Variants in TLN2 observed in about 807,000 individuals in gnomAD.
The protein encoded by TLN2 is talin-2.
TLN2 carries 118 observed loss-of-function variants against 294.7 expected under a neutral mutation model. The ratio of observed to expected loss-of-function variants is 0.40; its 90% CI spans 0.34 to 0.47. The LOEUF (loss-of-function observed/expected upper bound fraction) is 0.47, where lower values mean the gene tolerates loss of function less well. TLN2 is among the 20% of genes least tolerant of loss of function. The pLI, the probability that TLN2 is intolerant of heterozygous loss-of-function variation, is 0.84. For missense variants in TLN2, 3,083 were observed against 3,282.2 expected (o/e 0.94, Z 1.48); for synonymous variants, 1,431 against 1,304.5 (o/e 1.10, Z -2.09).
At chr15:62,466,580 T>C (rs2037149005) in intron 1 of TLN2, among the ~76,000 whole-genome samples, 1 of 152,246 alleles carries the variant, frequency 6.6e-6, no homozygotes, top group African/African-American at 2.4e-5. Context: ...GGACTTATGA[T>C]GCCCCTGGGA....
intron 3 of TLN2, among the ~76,000 whole-genome samples, chr15:62,643,320 G>A (rs545026548): frequency 1.3e-5 from 2 of 151,236 alleles, no homozygotes; most frequent in African/African-American, 4.9e-5. Flanking sequence ...AAAATGGGGA[G>A]CCAGAAGTGA....
intron 2 of TLN2, among the ~76,000 whole-genome samples, chr15:62,597,270 A>T (rs377377837): frequency 2.0e-5 from 3 of 152,186 alleles, no homozygotes; most frequent in African/African-American, 7.2e-5. Flanking sequence ...AAAGGCTTCC[A>T]TGATTTTATC....
chr15:62,574,993 G>C (rs2140660279), intron 1 of TLN2, among the ~76,000 whole-genome samples: 1 of 152,250 alleles, frequency 6.6e-6, no homozygotes, highest in East Asian at 1.9e-4. Context: ...TTAGATGAGT[G>C]CTTCTGAAAT....
chr15:62,753,694 T>A, intron 35 of TLN2, 79 bp from the exon 36 acceptor site: 1 of 1,497,526 alleles, frequency 6.7e-7, no homozygotes, highest in South Asian at 1.4e-5. Context: ...CAGCTGCATG[T>A]GTAGTGCGGA....
intron 1 of TLN2, among the ~76,000 whole-genome samples, chr15:62,549,116 C>T (rs928129423): frequency 2.6e-5 from 4 of 152,060 alleles, no homozygotes; most frequent in African/African-American, 7.2e-5. Context: ...AATTAGCTGC[C>T]TTTAATTGAG....
intron 1 of TLN2, among the ~76,000 whole-genome samples, chr15:62,461,282 C>T (rs955417757): frequency 3.4e-4 from 52 of 152,114 alleles, no homozygotes; most frequent in African/African-American, 1.2e-3. Context: ...AATGGACCTG[C>T]CCAGTGTGTC....
At chr15:62,598,257 T>C (rs2046702722) in intron 2 of TLN2, among the ~76,000 whole-genome samples, 1 of 152,208 alleles carries the variant, frequency 6.6e-6, no homozygotes, top group African/African-American at 2.4e-5. Context: ...TCTTGGATCC[T>C]GGGGCAGGCT....
intron 11 of TLN2, among the ~76,000 whole-genome samples, chr15:62,680,955 A>G (rs1320089390): frequency 1.3e-5 from 2 of 152,172 alleles, no homozygotes; most frequent in African/African-American, 2.4e-5. Flanking sequence ...TATATATGCC[A>G]CATTTTCTCT....
rs74541636 is a variant in TLN2 at position 62,727,418 on chromosome 15, T to C, written c.3358+229T>C. 1.0e-3 allele frequency among the ~76,000 whole-genome samples: 158 copies of C among 152,216 alleles called. No individual in the cohort carries two copies. In the East Asian group the frequency reaches 0.03, roughly 29 times the overall value. ...TTTATGGATTACCCCCATTAGACTA[T>C]AAAGAAATAGTAATTGTAGACTTCC... On this transcript the variant is annotated intron_variant, in intron 28 of 58. Transcript: ENST00000636159.
intron 7 of TLN2, among the ~76,000 whole-genome samples, chr15:62,655,578 C>A (rs2053114256): frequency 2.6e-4 from 3 of 11,688 alleles, no homozygotes; most frequent in Non-Finnish European, 4.3e-3. Flanking sequence ...ATTATACATT[C>A]ATTGTAGCAC....
chr15:62,669,288 C>T (rs2055108342), intron 9 of TLN2, among the ~76,000 whole-genome samples: 1 of 152,224 alleles, frequency 6.6e-6, no homozygotes, highest in African/African-American at 2.4e-5. Context: ...ATGTGCTCTC[C>T]AGCCAGCTGC....
rs1160141950 is a variant in TLN2 at position 62,690,070 on chromosome 15, G to T, written c.1114-2770G>T. Among the ~76,000 whole-genome samples the T allele has an allele frequency of 6.2e-5, 5 of 80,168 alleles. No homozygotes were observed. In the East Asian group the frequency reaches 1.9e-3, roughly 31 times the overall value. 52.6% of individuals were successfully genotyped at this position (80,168 alleles called of 152,430 possible). ...CGGGCAGAGGCGCCCCTCACCTCCC[G>T]GACGGGGCGGCCGGCCGGGCGGGGG... On this transcript the variant is annotated intron_variant, in intron 12 of 58. Transcript: ENST00000636159.
intron 1 of TLN2, among the ~76,000 whole-genome samples, chr15:62,398,523 A>G (rs2032748861): frequency 6.6e-6 from 1 of 152,236 alleles, no homozygotes; most frequent in African/African-American, 2.4e-5. Context: ...AGACAGGAAG[A>G]TGTGGGAAAG....
chr15:62,553,493 G>T (rs200899530), intron 1 of TLN2, among the ~76,000 whole-genome samples: 3 of 146,336 alleles, frequency 2.1e-5, no homozygotes, highest in African/African-American at 7.5e-5. Flanking sequence ...TCAAAAAAAA[G>T]AAAAAAAAAA....
chr15:62,508,045 A>G (rs1807109628), intron 1 of TLN2, among the ~76,000 whole-genome samples: 1 of 152,040 alleles, frequency 6.6e-6, no homozygotes, highest in Non-Finnish European at 1.5e-5. Flanking sequence ...AATCACCAAG[A>G]GGCTTCCATA....
chr15:62,595,506 T>C (rs965567584), intron 2 of TLN2, among the ~76,000 whole-genome samples: 6 of 151,208 alleles, frequency 4.0e-5, no homozygotes, highest in African/African-American at 1.2e-4. Flanking sequence ...AGAATGTAAG[T>C]TAATATGGTC....
intron 22 of TLN2, among the ~76,000 whole-genome samples, chr15:62,714,018 A>G (rs942835975): frequency 6.6e-4 from 100 of 150,966 alleles, no homozygotes; most frequent in Non-Finnish European, 3.2e-4. Context: ...CTCTCAGTCT[A>G]TACATAGATA....
intron 54 of TLN2, among the ~76,000 whole-genome samples, chr15:62,826,205 G>A (rs1450279283): frequency 1.3e-5 from 2 of 151,860 alleles, no homozygotes; most frequent in African/African-American, 2.4e-5. Flanking sequence ...CGACATTCAA[G>A]GGCCCCTTAA....
At chr15:62,555,305 T>C (rs2042546594) in intron 1 of TLN2, among the ~76,000 whole-genome samples, 1 of 152,240 alleles carries the variant, frequency 6.6e-6, no homozygotes, top group African/African-American at 2.4e-5. Context: ...TGAATATTTA[T>C]GAAAAGACTC....
Sources: allele counts gnomAD v4.1 joint callset (sites outside exome capture counted in the v4.1 genomes callset), GRCh38; gene constraint gnomAD v4.1.1; transcripts MANE v1.5; gene names NCBI Gene and HGNC (gene_info 2026-07-23, HGNC 2026-07-21).